The following HK1 variants were observed in gnomAD, a reference collection of about 807,000 sequenced individuals.
HK1 encodes the protein hexokinase-1.
In HK1, 28 loss-of-function variants were observed where a neutral mutation model predicts 91.6. The ratio of observed to expected loss-of-function variants is 0.31; its 90% CI spans 0.23 to 0.42. The LOEUF is 0.42. Ranked by LOEUF, HK1 falls within the 10% of genes least tolerant of loss-of-function variation. The pLI is 1.00. For missense variants in HK1, 770 were observed against 1,219.8 expected (o/e 0.63, Z 5.49); for synonymous variants, 430 against 468.1 (o/e 0.92, Z 1.05).
chr10:69,385,097 C>T (rs1839570573), intron 12 of HK1, among the ~76,000 whole-genome samples, 182 bp downstream of exon 12: 1 of 152,230 alleles, frequency 6.6e-6, no homozygotes, highest in Non-Finnish European at 1.5e-5. Flanking sequence ...CTTCTCTCTT[C>T]TTTTCTCTTT....
At chr10:69,316,792 C>T (rs1042189274), upstream of HK1, among the ~76,000 whole-genome samples, 3 of 152,210 alleles carry the variant, frequency 2.0e-5, no homozygotes, top group Non-Finnish European at 4.4e-5. Context: ...AAGTGCCAGG[C>T]CCTGCGCTTG....
chr10:69,375,674 G>T (rs1355871867), intron 7 of HK1, among the ~76,000 whole-genome samples: 1 of 152,240 alleles, frequency 6.6e-6, no homozygotes, highest in Non-Finnish European at 1.5e-5. Flanking sequence ...AGCTGTGGGT[G>T]TGCCAGCTGG....
chr10:69,401,308 G>A lies in HK1; in HGVS notation c.*173G>A. Reference sequence around the variant, plus strand: ...TTGTAGGGTACAGAATAGAGCGTGTGCTGTTGATAATATCTCTCACCCGGA... The same window carrying A: ...TTGTAGGGTACAGAATAGAGCGTGTACTGTTGATAATATCTCTCACCCGGA... On this transcript the variant is annotated 3_prime_UTR_variant, in exon 18 of 18. Coordinates refer to ENST00000359426, the MANE Select transcript of HK1 (RefSeq NM_000188.3). The A allele has an allele frequency of 1.4e-6, 1 of 708,206 alleles. No individual in the cohort carries two copies. The highest frequency in any genetic ancestry group is 2.4e-6 in the Non-Finnish European group (1 of 420,690). 43.9% of individuals were successfully genotyped at this position (708,206 alleles called of 1,614,324 possible). A position where few individuals can be genotyped will look rare whatever the true frequency, so the allele number is the denominator to read the frequency against.
At chr10:69,306,843 G>A (rs1215190391) in intron 5 of HK1, among the ~76,000 whole-genome samples, 1 of 152,160 alleles carries the variant, frequency 6.6e-6, no homozygotes, top group Non-Finnish European at 1.5e-5. Flanking sequence ...ACCTATGTAG[G>A]GACAAAATGG....
chr10:69,273,855 C>A (rs959102731), intron 1 of HK1, among the ~76,000 whole-genome samples: 1 of 151,960 alleles, frequency 6.6e-6, no homozygotes, highest in African/African-American at 2.4e-5. Context: ...TCTAACTTTT[C>A]TTTTATTTTT....
intron 2 of HK1, among the ~76,000 whole-genome samples, chr10:69,350,811 A>C (rs1848814890): frequency 2.0e-5 from 3 of 152,216 alleles, no homozygotes; most frequent in African/African-American, 7.2e-5. Context: ...CCCCCTATGC[A>C]CAAGTGGTTT....
intron 2 of HK1, among the ~76,000 whole-genome samples, chr10:69,357,703 T>A (rs1849201089): frequency 6.6e-6 from 1 of 152,142 alleles, no homozygotes; most frequent in Non-Finnish European, 1.5e-5. Context: ...TCCACCTGCC[T>A]CAGCCTCCCA....
intron 3 of HK1, among the ~76,000 whole-genome samples, chr10:69,293,314 G>A (rs542536999): frequency 6.6e-6 from 1 of 152,266 alleles, no homozygotes; most frequent in South Asian, 2.1e-4. Context: ...CCCAGCCTCA[G>A]TTCACCTCCA....
At chr10:69,283,188 T>G (rs1377502939) in intron 2 of HK1, among the ~76,000 whole-genome samples, 1 of 145,848 alleles carries the variant, frequency 6.9e-6, no homozygotes, top group South Asian at 2.2e-4. Context: ...GGCTCACACA[T>G]GTAATCCCAG....
chr10:69,312,913 T>C (rs991707844), upstream of HK1, among the ~76,000 whole-genome samples: 5 of 152,114 alleles, frequency 3.3e-5, no homozygotes. Context: ...GGGAGCCGTA[T>C]TTTGGGGTGA....
intron 2 of HK1, among the ~76,000 whole-genome samples, chr10:69,345,285 GT>G (rs1848493181): frequency 6.6e-6 from 1 of 152,150 alleles, no homozygotes; most frequent in Non-Finnish European, 1.5e-5. Context: ...TTGTTTAGGT[GT>G]TGATTACTAG....
At chr10:69,309,531 G>A (rs1243998679) in intron 5 of HK1, among the ~76,000 whole-genome samples, 7 of 144,534 alleles carry the variant, frequency 4.8e-5, no homozygotes, top group African/African-American at 1.8e-4. Flanking sequence ...AAGCCGCGAG[G>A]TGGCTCATGC....
chr10:69,305,222 C>T (rs1325584968), intron 5 of HK1, among the ~76,000 whole-genome samples: 1 of 152,162 alleles, frequency 6.6e-6, no homozygotes, highest in African/African-American at 2.4e-5. Context: ...ATAGCTGTGT[C>T]TCTTAAGGGA....
chr10:69,334,882 C>A (rs930871191), intron 1 of HK1, among the ~76,000 whole-genome samples: 11 of 152,032 alleles, frequency 7.2e-5, no homozygotes, highest in Non-Finnish European at 1.2e-4. Flanking sequence ...GAGGAGTGGA[C>A]GGTGTGGGGT....
chr10:69,342,943 C>G (rs1848365568), intron 1 of HK1, among the ~76,000 whole-genome samples: 1 of 152,128 alleles, frequency 6.6e-6, no homozygotes, highest in African/African-American at 2.4e-5. Flanking sequence ...CCCAGGGTGC[C>G]TAAGGTTAGG....
chr10:69,285,478 T>C (rs1844986709), intron 2 of HK1, among the ~76,000 whole-genome samples: 1 of 152,146 alleles, frequency 6.6e-6, no homozygotes, highest in Non-Finnish European at 1.5e-5. Context: ...AATCCAGCTA[T>C]TAGCAAAATT....
chr10:69,360,052 C>T lies in HK1; in HGVS notation c.375+7C>T, dbSNP rs200509063. On this transcript the variant is annotated splice_region_variant and intron_variant, in intron 3 of 17. Coordinates refer to ENST00000359426, the MANE Select transcript of HK1 (RefSeq NM_000188.3). ...GCACGGCAGTGGAAGCCAGGTGGGT[C>T]CCTGCTCCCTCCGGGTCACCCCGTC... is the stretch of plus-strand genomic sequence containing the variant. 2 of 1,613,548 alleles carry T rather than the reference C, an allele frequency of 1.2e-6. No homozygotes were observed. The highest frequency in any genetic ancestry group is 2.2e-5 in the East Asian group (1 of 44,888).
At chr10:69,308,698 CTTT>C (rs1846220030) in intron 5 of HK1, among the ~76,000 whole-genome samples, 2 of 152,094 alleles carry the variant, frequency 1.3e-5, no homozygotes, top group Non-Finnish European at 2.9e-5. Context: ...GGCTACCTGC[CTTT>C]AGTTTTGCTT....
At chr10:69,393,151 T>G (rs1033751527) in intron 15 of HK1, among the ~76,000 whole-genome samples, 1 of 151,756 alleles carries the variant, frequency 6.6e-6, no homozygotes, top group African/African-American at 2.4e-5. Context: ...CCAGCTAATT[T>G]TGTATTTTTA....
Sources: gnomAD v4.1 joint callset for allele counts (sites outside exome capture counted in the v4.1 genomes callset) on GRCh38, gnomAD v4.1.1 for gene constraint, MANE v1.5 for transcripts, NCBI Gene and HGNC (gene_info 2026-07-23, HGNC 2026-07-21) for gene names.